Variants in CAVIN1 observed in about 807,000 individuals in gnomAD.
CAVIN1 encodes the protein caveolae-associated protein 1.
Under a neutral mutation model 24.0 loss-of-function variants are expected in CAVIN1, and 16 were observed. The observed-to-expected ratio is 0.67, with a 90% CI of 0.45 to 1.01. CAVIN1 has a LOEUF of 1.01. Ranked by LOEUF, CAVIN1 falls within the 50% of genes least tolerant of loss-of-function variation. The pLI is 0.00. For synonymous variants in CAVIN1, 256 were observed against 256.4 expected (o/e 1.00, Z 0.02); for missense variants, 510 against 551.7 (o/e 0.92, Z 0.76).
At chr17:42,417,234 G>T (rs565899815) in intron 1 of CAVIN1, among the ~76,000 whole-genome samples, 12 of 152,226 alleles carry the variant, frequency 7.9e-5, no homozygotes, top group African/African-American at 2.4e-4. Flanking sequence ...CAGGTGGATT[G>T]CTTGAGGCCA....
At chr17:42,407,064 CTT>C (rs1468184260) in intron 1 of CAVIN1, among the ~76,000 whole-genome samples, 2 of 151,796 alleles carry the variant, frequency 1.3e-5, no homozygotes, top group African/African-American at 4.8e-5. Flanking sequence ...CCTTGGAGGA[CTT>C]AGCACCAGAA....
In CAVIN1 at chr17:42,404,093, G is replaced by A. The variant is rs1285700859; in HGVS notation, c.*594C>T. The A allele has an allele frequency of 6.5e-6, 1 of 152,894 alleles. No individual in the cohort carries two copies. The highest frequency in any genetic ancestry group is 1.5e-5 in the Non-Finnish European group (1 of 68,498). The allele number at this position is 152,894 out of a possible 1,614,324, so 9.5% of individuals were successfully genotyped here. On this transcript the variant is annotated 3_prime_UTR_variant, in exon 2 of 2. Transcript: ENST00000357037. ...TTCTCTTGGCTCCAGCGTTCCTCTG[G>A]GACCCTCTGCAGATACAGCCTGTGC... is the stretch of plus-strand genomic sequence containing the variant.
At chr17:42,416,004 G>A (rs975105275) in intron 1 of CAVIN1, among the ~76,000 whole-genome samples, 13 of 152,144 alleles carry the variant, frequency 8.5e-5, no homozygotes, top group African/African-American at 2.4e-4. Flanking sequence ...CACTTTGGGC[G>A]GCCAAGGCAG....
chr17:42,414,537 CA>C (rs1218535815), intron 1 of CAVIN1, among the ~76,000 whole-genome samples: 1 of 152,034 alleles, frequency 6.6e-6, no homozygotes, highest in Non-Finnish European at 1.5e-5. Flanking sequence ...CTGTGCCTGG[CA>C]AAACCAAGCT....
In CAVIN1 at chr17:42,404,135, G is replaced by A. The variant is rs2085427513; in HGVS notation, c.*552C>T. The A allele has an allele frequency of 6.5e-6, 1 of 152,952 alleles. No individual in the cohort carries two copies. The highest frequency in any genetic ancestry group is 2.1e-4 in the South Asian group (1 of 4,868). 9.5% of individuals were successfully genotyped at this position (152,952 alleles called of 1,614,324 possible). ...AGCCTGTGCTGGACCCCCAGCCAGG[G>A]TGAGGGCTCATTCTGCTCTGTCTTC... On this transcript the variant is annotated 3_prime_UTR_variant, in exon 2 of 2. Transcript: ENST00000357037.
At chr17:42,411,418 G>A (rs1361405952) in intron 1 of CAVIN1, 6 of 984,874 alleles carry the variant, frequency 6.1e-6, no homozygotes, top group Non-Finnish European at 7.2e-6. Context: ...TTTTTTTTAA[G>A]TTGAGAAACA....
intron 1 of CAVIN1, among the ~76,000 whole-genome samples, chr17:42,413,452 G>A (rs915695055): frequency 2.0e-5 from 3 of 151,342 alleles, no homozygotes; most frequent in African/African-American, 7.3e-5. Context: ...TCAGCTACTC[G>A]GGAGGCTGAG....
intron 1 of CAVIN1, among the ~76,000 whole-genome samples, chr17:42,414,947 T>C: frequency 8.6e-6 from 1 of 116,812 alleles, no homozygotes; most frequent in Non-Finnish European, 1.8e-5. Flanking sequence ...TTCCCCCACT[T>C]TTCTCCCCTA....
Position 42,405,050 on chromosome 17 carries a change from C to A in CAVIN1, c.810G>T (p.Leu270=), listed in dbSNP as rs1410686737. 1 of 1,614,196 alleles carries A rather than the reference C, an allele frequency of 6.2e-7. No individual in the cohort carries two copies. The highest frequency in any genetic ancestry group is 1.1e-5 in the South Asian group (1 of 91,088). The change falls in exon 2 of 2, where the codon CTG becomes CTT. Residue 270 remains leucine (L), a synonymous_variant. Transcript: ENST00000357037. Reference sequence around the variant, plus strand: ...TGCCCAGCTTGTTCATGCGCTTCTCCAGGGTGTGCCGCGTCTTCTCCAGGT... The same window carrying A: ...TGCCCAGCTTGTTCATGCGCTTCTCAAGGGTGTGCCGCGTCTTCTCCAGGT... ...KENLEKTRHT[L]EKRMNKLGTR...
At chr17:42,420,292 A>C (rs1437648872) in intron 1 of CAVIN1, among the ~76,000 whole-genome samples, 1 of 152,218 alleles carries the variant, frequency 6.6e-6, no homozygotes, top group Non-Finnish European at 1.5e-5. Context: ...AGGCCTGCCA[A>C]GGCACAGAGC....
intron 1 of CAVIN1, 57 bp from the exon 2 acceptor site, chr17:42,405,445 C>G: frequency 1.3e-6 from 2 of 1,571,542 alleles, no homozygotes; most frequent in Non-Finnish European, 8.7e-7. Context: ...TGTGGGCGAG[C>G]CTGAGTCAGG....
intron 1 of CAVIN1, among the ~76,000 whole-genome samples, chr17:42,418,229 CTT>C (rs555569816): frequency 2.3e-4 from 30 of 129,386 alleles, no homozygotes; most frequent in Admixed American, 5.6e-4. Context: ...ACTGTATTTC[CTT>C]TTTTTTTTTT....
rs1212969011 is a variant in CAVIN1 at position 42,423,126 on chromosome 17, G to A, written c.-29C>T. ...TACCCGGAGCCGTGCGGGACCGGCC[G>A]GGTGGGGCTGGAGCTGGAGCGGGAG... On this transcript the variant is annotated 5_prime_UTR_variant, in exon 1 of 2. Coordinates refer to ENST00000357037, the MANE Select transcript of CAVIN1 (RefSeq NM_012232.6). The A allele has an allele frequency of 6.7e-7, 1 of 1,493,100 alleles. No homozygotes were observed. Among genetic ancestry groups the A allele is most frequent in the Non-Finnish European group, 9.0e-7 (1 of 1,109,782 alleles). 92.5% of individuals were successfully genotyped at this position (1,493,100 alleles called of 1,614,324 possible). A position where few individuals can be genotyped will look rare whatever the true frequency, so the allele number is the denominator to read the frequency against.
In CAVIN1 at chr17:42,404,558, T is replaced by C. The variant is rs944161221; in HGVS notation, c.*129A>G. The C allele has an allele frequency of 2.6e-5, 16 of 614,236 alleles. No individual in the cohort carries two copies. Among genetic ancestry groups the C allele is most frequent in the Non-Finnish European group, 3.6e-5 (14 of 386,384 alleles). 38.0% of individuals were successfully genotyped at this position (614,236 alleles called of 1,614,324 possible). A position where few individuals can be genotyped will look rare whatever the true frequency, so the allele number is the denominator to read the frequency against. On this transcript the variant is annotated 3_prime_UTR_variant, in exon 2 of 2. Transcript: ENST00000357037. ...AACAGCTCTAAGACTGGGAGTGGAG[T>C]TCCTGGAGGTGTGGGGAGGGGGGCG...
At position 42,404,716 on chromosome 17, in the gene CAVIN1, C is replaced by A. The variant is rs202120909; in HGVS notation, c.1144G>T (p.Val382Leu). ...LLEITEESDA[V>L]LVDKSDSD ...TCGCTGTCGCTCTTGTCCACCAGCA[C>A]GGCGTCCGACTCCTCGGTGATCTCC... Residue 382 changes from valine to leucine, a missense_variant, in exon 2 of 2, where the codon GTG (valine) becomes TTG (leucine). Physicochemically the swap from Val to Leu is conservative, Grantham distance 32. Coordinates refer to ENST00000357037, the MANE Select transcript of CAVIN1 (RefSeq NM_012232.6). The A allele has an allele frequency of 1.3e-6, 2 of 1,487,476 alleles. No individual in the cohort carries two copies. The highest frequency in any genetic ancestry group is 8.9e-7 in the Non-Finnish European group (1 of 1,125,444). 92.1% of individuals were successfully genotyped at this position (1,487,476 alleles called of 1,614,324 possible). A position where few individuals can be genotyped will look rare whatever the true frequency, so the allele number is the denominator to read the frequency against.
chr17:42,411,929 C>T, intron 1 of CAVIN1: 1 of 985,352 alleles, frequency 1.0e-6, no homozygotes, highest in African/African-American at 1.7e-5. Flanking sequence ...GGCACCCGTC[C>T]ACAGTGGGCA....
rs1213471023 is a variant in CAVIN1 at position 42,423,185 on chromosome 17, G to A, written c.-88C>T. Reference sequence around the variant, plus strand: ...AGAAGCAGGAGCGGAAGGGAGGAGAGCTAGCGGGCGAGAGCGGAGAGCAGA... The same window carrying A: ...AGAAGCAGGAGCGGAAGGGAGGAGAACTAGCGGGCGAGAGCGGAGAGCAGA... On this transcript the variant is annotated 5_prime_UTR_variant, in exon 1 of 2. Coordinates refer to ENST00000357037, the MANE Select transcript of CAVIN1 (RefSeq NM_012232.6). 8 of 1,099,918 alleles carry A rather than the reference G, an allele frequency of 7.3e-6. No homozygotes were observed. The East Asian group carries it at 2.1e-4, about 28-fold the overall frequency. 68.1% of individuals were successfully genotyped at this position (1,099,918 alleles called of 1,614,324 possible). A position where few individuals can be genotyped will look rare whatever the true frequency, so the allele number is the denominator to read the frequency against.
At chr17:42,405,693 T>TCTG (rs1555586067) in intron 1 of CAVIN1, among the ~76,000 whole-genome samples, 1 of 60,850 alleles carries the variant, frequency 1.6e-5, no homozygotes, top group African/African-American at 3.9e-5. Flanking sequence ...TTTTTTTTTT[T>TCTG]TTTTTTTTTT....
At chr17:42,409,006 G>A (rs537788262) in intron 1 of CAVIN1, among the ~76,000 whole-genome samples, 16 of 151,942 alleles carry the variant, frequency 1.1e-4, no homozygotes, top group African/African-American at 3.9e-4. Flanking sequence ...TGGCCAGGCT[G>A]TTCTCAAACT....
Sources: gnomAD v4.1 joint callset for allele counts (sites outside exome capture counted in the v4.1 genomes callset) on GRCh38, gnomAD v4.1.1 for gene constraint, MANE v1.5 for transcripts, NCBI Gene and HGNC (gene_info 2026-07-23, HGNC 2026-07-21) for gene names.